MKX: variants seen among roughly 807,000 people sequenced by gnomAD.
MKX encodes mohawk homeobox, also known as homeobox protein Mohawk.
In MKX, 13 loss-of-function variants were observed where a neutral mutation model predicts 36.0. The observed-to-expected ratio is 0.36, with a 90% CI of 0.24 to 0.57. MKX has a LOEUF of 0.57. Among genes scored for constraint, MKX ranks in the 20% least tolerant of loss-of-function variants. MKX has a pLI of 0.79. For synonymous variants in MKX, 176 were observed against 178.3 expected, an observed-to-expected ratio of 0.99 and a Z score of 0.10; for missense variants, 458 against 456.4, an observed-to-expected ratio of 1.00 and a Z score of -0.03.
intron 5 of MKX, among the ~76,000 whole-genome samples, chr10:27,711,489 C>T (rs868128603): frequency 0.014 from 665 of 48,974 alleles, 12 homozygotes; most frequent in African/African-American, 0.043. Flanking sequence ...CTTTCTCTCT[C>T]TCTCTCTTCT....
intron 5 of MKX, among the ~76,000 whole-genome samples, chr10:27,711,501 T>TCCTTCCTTCCTTCCTC (rs1836868256): frequency 2.1e-5 from 1 of 48,618 alleles, no homozygotes; most frequent in Non-Finnish European, 3.5e-5. Flanking sequence ...CTCTCTTCTT[T>TCCTTCCTTCCTTCCTC]CCTTCCTTCC....
intron 5 of MKX, among the ~76,000 whole-genome samples, chr10:27,711,809 C>A (rs148601289): frequency 0.012 from 1,737 of 150,752 alleles, 25 homozygotes; most frequent in Non-Finnish European, 0.018. Flanking sequence ...TGGTCTTGAA[C>A]TCCTAGCCTC....
At chr10:27,695,427 G>T (rs934364030) in intron 5 of MKX, among the ~76,000 whole-genome samples, 1 of 146,678 alleles carries the variant, frequency 6.8e-6, no homozygotes, top group Non-Finnish European at 1.5e-5. Context: ...GCTCAGTAAG[G>T]CTTAACAGAA....
intron 5 of MKX, among the ~76,000 whole-genome samples, chr10:27,698,591 A>T (rs577958674): frequency 1.9e-4 from 29 of 152,112 alleles, no homozygotes; most frequent in Non-Finnish European, 4.1e-4. Flanking sequence ...TGTCTGAGGA[A>T]GGGGGGCAAG....
chr10:27,713,977 T>C (rs72797694), intron 5 of MKX, among the ~76,000 whole-genome samples: 1 of 133,728 alleles, frequency 7.5e-6, no homozygotes, highest in Admixed American at 9.3e-5. Flanking sequence ...CCTGCTCCTC[T>C]GTAGGCGAGT....
chr10:27,692,950 C>A (rs1206689334), intron 5 of MKX, among the ~76,000 whole-genome samples: 2 of 152,282 alleles, frequency 1.3e-5, no homozygotes, highest in South Asian at 2.1e-4. Flanking sequence ...ACTGCTCAAC[C>A]AAAACGACTG....
intron 5 of MKX, among the ~76,000 whole-genome samples, chr10:27,682,901 C>A (rs1048009601): frequency 6.6e-6 from 1 of 151,880 alleles, no homozygotes; most frequent in African/African-American, 2.4e-5. Flanking sequence ...ATCGCTTGAA[C>A]CTGGGAGGCA....
chr10:27,677,318 C>T (rs1248007529), intron 5 of MKX, among the ~76,000 whole-genome samples: 3 of 152,264 alleles, frequency 2.0e-5, no homozygotes, highest in African/African-American at 7.2e-5. Context: ...CTGCCCCTGC[C>T]AACCCAATAT....
At chr10:27,684,006 CT>C (rs1836299665) in intron 5 of MKX, among the ~76,000 whole-genome samples, 1 of 152,166 alleles carries the variant, frequency 6.6e-6, no homozygotes, top group South Asian at 2.1e-4. Flanking sequence ...CTATACAGTT[CT>C]TTCTTTTTAT....
intron 5 of MKX, among the ~76,000 whole-genome samples, chr10:27,694,867 T>C (rs1171645051): frequency 6.7e-6 from 1 of 148,240 alleles, no homozygotes; most frequent in Non-Finnish European, 1.5e-5. Flanking sequence ...ATTTTCATCA[T>C]AAAAGCACAA....
intron 3 of MKX, among the ~76,000 whole-genome samples, 198 bp from the exon 4 acceptor site, chr10:27,735,572 AT>A (rs1834744717): frequency 6.6e-6 from 1 of 152,084 alleles, no homozygotes; most frequent in Non-Finnish European, 1.5e-5. Flanking sequence ...CATTTAGTGT[AT>A]TTGTGGAATA....
Position 27,673,026 on chromosome 10 carries a change from C to G in MKX, c.*2203G>C, listed in dbSNP as rs1836078354. On this transcript the variant is annotated 3_prime_UTR_variant, in exon 7 of 7. Coordinates refer to ENST00000419761, the MANE Select transcript of MKX (RefSeq NM_173576.3). ...TATGAGTTAGATTTTCAGCTGCCGG[C>G]TCAGCATTGTTCAAGATTCTTTTAA... The G allele has an allele frequency of 6.6e-6, 1 of 152,170 alleles. No homozygotes were observed. The highest frequency in any genetic ancestry group is 2.1e-4 in the South Asian group (1 of 4,830). 9.4% of individuals were successfully genotyped at this position (152,170 alleles called of 1,614,324 possible).
At chr10:27,711,082 A>C (rs1836842248) in intron 5 of MKX, among the ~76,000 whole-genome samples, 1 of 152,234 alleles carries the variant, frequency 6.6e-6, no homozygotes, top group Admixed American at 6.5e-5. Context: ...TTTTCAAGTA[A>C]GATGATAATA....
intron 5 of MKX, among the ~76,000 whole-genome samples, chr10:27,715,831 C>T (rs1436442252): frequency 6.6e-6 from 1 of 151,992 alleles, no homozygotes; most frequent in East Asian, 1.9e-4. Context: ...TCCAGAAGAT[C>T]GAAGGGCAGA....
intron 5 of MKX, among the ~76,000 whole-genome samples, chr10:27,732,464 C>T (rs1271316617): frequency 6.6e-6 from 1 of 151,954 alleles, no homozygotes; most frequent in Non-Finnish European, 1.5e-5. Context: ...TTTTTTAAAA[C>T]CTTTTTTGTT....
At chr10:27,695,970 A>G (rs7898679) in intron 5 of MKX, among the ~76,000 whole-genome samples, 15,047 of 152,188 alleles carry the variant, frequency 0.099, 1,876 homozygotes, top group African/African-American at 0.27. Flanking sequence ...AGTTATAAAG[A>G]CACAGAGAAA....
At chr10:27,700,057 A>G (rs1175852611) in intron 5 of MKX, among the ~76,000 whole-genome samples, 3 of 152,246 alleles carry the variant, frequency 2.0e-5, no homozygotes, top group Non-Finnish European at 4.4e-5. Flanking sequence ...TTTGGCCTCC[A>G]TAATTCTGGA....
intron 5 of MKX, among the ~76,000 whole-genome samples, chr10:27,721,813 A>C (rs913813937): frequency 4.6e-5 from 7 of 152,182 alleles, no homozygotes; most frequent in South Asian, 4.1e-4. Flanking sequence ...CATGCTATTA[A>C]TATATGTTTA....
At chr10:27,709,556 G>T (rs927189860) in intron 5 of MKX, among the ~76,000 whole-genome samples, 1 of 152,162 alleles carries the variant, frequency 6.6e-6, no homozygotes, top group Non-Finnish European at 1.5e-5. Flanking sequence ...GCAAAACAAG[G>T]GTGAGCTGAT....
Sources: gnomAD v4.1 joint callset for allele counts (sites outside exome capture counted in the v4.1 genomes callset) on GRCh38, gnomAD v4.1.1 for gene constraint, MANE v1.5 for transcripts, NCBI Gene and HGNC (gene_info 2026-07-23, HGNC 2026-07-21) for gene names.